The following PLCE1 variants were observed in gnomAD, a reference collection of about 807,000 sequenced individuals.
PLCE1 encodes the protein 1-phosphatidylinositol 4,5-bisphosphate phosphodiesterase epsilon-1.
PLCE1 carries 119 observed loss-of-function variants against 242.8 expected under a neutral mutation model. The ratio of observed to expected loss-of-function variants is 0.49; its 90% CI spans 0.42 to 0.57. The LOEUF (loss-of-function observed/expected upper bound fraction) is 0.57, where lower values mean the gene tolerates loss of function less well. Among genes scored for constraint, PLCE1 ranks in the 20% least tolerant of loss-of-function variants. The probability of loss-of-function intolerance (pLI) is 0.00; values close to 1 mark genes in which losing one functional copy is unlikely to be tolerated. For synonymous variants in PLCE1, 945 were observed against 1,017.4 expected (o/e 0.93, Z 1.35); for missense variants, 2,441 against 2,788.8 (o/e 0.88, Z 2.81).
chr10:94,270,347 A>T (rs1245141812), intron 17 of PLCE1, 139 bp from the exon 18 acceptor site: 2 of 751,122 alleles, frequency 2.7e-6, no homozygotes, highest in Admixed American at 3.5e-5. Context: ...CTCATGCTTC[A>T]TTTGAAAATA....
At chr10:94,167,002 T>C (rs2047826161) in intron 3 of PLCE1, among the ~76,000 whole-genome samples, 1 of 152,078 alleles carries the variant, frequency 6.6e-6, no homozygotes, top group African/African-American at 2.4e-5. Flanking sequence ...TAAGATATGC[T>C]ATGTGGGCCA....
intron 4 of PLCE1, among the ~76,000 whole-genome samples, chr10:94,219,533 TCAAGAAGGGCTTTAGTTGG>T (rs2137051501): frequency 6.6e-6 from 1 of 152,250 alleles, no homozygotes; most frequent in Non-Finnish European, 1.5e-5. Context: ...AGTAAAAGAC[TCAAGAAGGGCTTTAGTTGG>T]CTGGTGTAGG....
At chr10:94,089,062 G>A (rs752690536) in intron 2 of PLCE1, 2 of 1,607,380 alleles carry the variant, frequency 1.2e-6, no homozygotes, top group Admixed American at 1.7e-5. Context: ...TGTGATTTGA[G>A]ATTGGGCTTC....
chr10:94,258,694 T>G (rs1378754212), intron 11 of PLCE1, 106 bp from the exon 12 acceptor site: 1 of 1,300,458 alleles, frequency 7.7e-7, no homozygotes, highest in African/African-American at 1.4e-5. Context: ...CTTAAATAAC[T>G]TGCACTCATC....
chr10:94,298,506 C>T lies in PLCE1; in HGVS notation c.5295C>T (p.Ala1765=). 1 of 1,614,044 alleles carries T rather than the reference C, an allele frequency of 6.2e-7. No homozygotes were observed. Among genetic ancestry groups the T allele is most frequent in the Non-Finnish European group, 8.5e-7 (1 of 1,180,004 alleles). Residue 1765 remains alanine, a synonymous_variant, in exon 24 of 33, where the codon GCC becomes GCT. Coordinates refer to ENST00000371380, the MANE Select transcript of PLCE1 (RefSeq NM_016341.4). The surrounding 1 kb of genome is among the most constrained non-coding windows in gnomAD (Gnocchi z 5.2). ...YHISSLNENA[A]KRLCRRYSQK... is the part of the protein sequence containing the mutation. Reference sequence around the variant, plus strand: ...TCTCGTCGCTGAATGAAAATGCCGCCAAACGTCTGTGTCGCAGGTATTCTC... The same window carrying T: ...TCTCGTCGCTGAATGAAAATGCCGCTAAACGTCTGTGTCGCAGGTATTCTC...
chr10:94,286,734 C>A (rs2052462308), intron 22 of PLCE1: 1 of 152,028 alleles, frequency 6.6e-6, no homozygotes, highest in Non-Finnish European at 1.5e-5. Context: ...AGGAACCTGG[C>A]CATTTAAGTT....
chr10:94,227,246 A>C lies in PLCE1; in HGVS notation c.1810-60A>C, dbSNP rs189153718. The C allele has an allele frequency of 2.0e-3, 3,165 of 1,547,356 alleles. 6 individuals are homozygous for C. The highest frequency in any genetic ancestry group is 2.5e-3 in the Non-Finnish European group (2,758 of 1,119,584). On this transcript the variant is annotated intron_variant, in intron 4 of 32. Coordinates refer to ENST00000371380, the MANE Select transcript of PLCE1 (RefSeq NM_016341.4). The stretch of plus-strand genomic sequence containing the variant: ...TAGAAAAACAAAGAATGCTTTTGGA[A>C]AAAAAAATTGCCAAGCTTCTAGGAC...
At chr10:94,238,771 T>C (rs1433875660) in intron 7 of PLCE1, among the ~76,000 whole-genome samples, 1 of 152,112 alleles carries the variant, frequency 6.6e-6, no homozygotes, top group African/African-American at 2.4e-5. Flanking sequence ...TATAGAGTCA[T>C]ATAGGAGCTG....
intron 20 of PLCE1, 67 bp downstream of exon 20, chr10:94,279,978 C>G (rs2133257076): frequency 6.5e-7 from 1 of 1,542,950 alleles, no homozygotes; most frequent in East Asian, 2.3e-5. Flanking sequence ...ATTTTTCTTT[C>G]TAAAATAAGT....
At chr10:94,056,565 TA>T (rs1171131498) in intron 2 of PLCE1, among the ~76,000 whole-genome samples, 3 of 152,198 alleles carry the variant, frequency 2.0e-5, no homozygotes, top group East Asian at 1.9e-4. Context: ...TATGCATATA[TA>T]TTTTTTTCCC....
At chr10:94,122,287 G>A (rs1463896307) in intron 2 of PLCE1, among the ~76,000 whole-genome samples, 2 of 152,140 alleles carry the variant, frequency 1.3e-5, no homozygotes, top group African/African-American at 4.8e-5. Context: ...GGTAGTTCAG[G>A]CCATTAAGTC....
intron 18 of PLCE1, 57 bp downstream of exon 18, chr10:94,270,659 T>C (rs2051695575): frequency 9.6e-7 from 1 of 1,044,638 alleles, no homozygotes; most frequent in Non-Finnish European, 1.5e-6. Context: ...GCAATTGTCA[T>C]TGGGTTGTTT....
chr10:94,046,413 G>A (rs1206811455), intron 2 of PLCE1, among the ~76,000 whole-genome samples: 1 of 152,198 alleles, frequency 6.6e-6, no homozygotes, highest in Non-Finnish European at 1.5e-5. Flanking sequence ...GGGCTGCAAG[G>A]AATTGAGCCA....
intron 2 of PLCE1, among the ~76,000 whole-genome samples, chr10:94,056,305 G>A (rs1449724125): frequency 6.6e-6 from 1 of 152,100 alleles, no homozygotes; most frequent in Non-Finnish European, 1.5e-5. Flanking sequence ...GGTTGGAAGA[G>A]CCCCTAGAAT....
At chr10:94,285,064 A>G (rs1255643396) in intron 22 of PLCE1, 99 bp downstream of exon 22, 16 of 744,302 alleles carry the variant, frequency 2.1e-5, no homozygotes, top group Non-Finnish European at 3.7e-5. Flanking sequence ...CAAAATAACT[A>G]AATTGTGTTG....
chr10:94,096,227 C>G (rs1447815490), intron 2 of PLCE1, among the ~76,000 whole-genome samples: 1 of 152,188 alleles, frequency 6.6e-6, no homozygotes, highest in Non-Finnish European at 1.5e-5. Context: ...CTTGCTAACA[C>G]ACTCAAGACG....
intron 3 of PLCE1, among the ~76,000 whole-genome samples, chr10:94,165,240 C>T (rs191873801): frequency 3.8e-4 from 58 of 152,356 alleles, no homozygotes; most frequent in Middle Eastern, 6.8e-3. Context: ...GGAGTGTACA[C>T]AGGCAGGCAG....
At chr10:94,185,002 T>C (rs1218420100) in intron 4 of PLCE1, among the ~76,000 whole-genome samples, 2 of 152,234 alleles carry the variant, frequency 1.3e-5, no homozygotes, top group African/African-American at 2.4e-5. Context: ...TTAGGTACTG[T>C]TAGAAATACA....
intron 4 of PLCE1, among the ~76,000 whole-genome samples, chr10:94,216,350 C>T (rs1479483887): frequency 6.6e-6 from 1 of 152,150 alleles, no homozygotes; most frequent in Non-Finnish European, 1.5e-5. Flanking sequence ...TGGGATGCCA[C>T]CACCTCCTGG....
Sources: gnomAD v4.1 joint callset for allele counts (sites outside exome capture counted in the v4.1 genomes callset) on GRCh38, gnomAD v4.1.1 for gene constraint, Gnocchi (gnomAD v3.1) non-coding constraint, MANE v1.5 for transcripts, NCBI Gene and HGNC (gene_info 2026-07-23, HGNC 2026-07-21) for gene names.